Variants in NUP54 observed in about 807,000 individuals in gnomAD.
NUP54 encodes the protein nucleoporin p54.
NUP54 carries 27 observed loss-of-function variants against 66.4 expected under a neutral mutation model. The observed-to-expected ratio is 0.41, with a 90% confidence interval of 0.30 to 0.56. The LOEUF (loss-of-function observed/expected upper bound fraction) is 0.56, where lower values mean the gene tolerates loss of function less well. NUP54 is among the 20% of genes least tolerant of loss of function. NUP54 has a pLI of 0.34. For missense variants in NUP54, 486 were observed against 596.3 expected (o/e 0.82, Z 1.93); for synonymous variants, 206 against 210.7 (o/e 0.98, Z 0.19).
rs1236278261 is a variant in NUP54, at chr4:76,125,340, A to ACGCGCGC, written c.1057-585_1057-584insGCGCGCG. 9.1e-4 allele frequency among the ~76,000 whole-genome samples: 136 copies of ACGCGCGC among 148,894 alleles called. 2 individuals are homozygous for ACGCGCGC. The East Asian group carries it at 0.026, about 28-fold the overall frequency. Reference sequence around the variant, plus strand: ...ATCACACACACACACACACACACACACACACACACACGGCTGGGCACAGTG... The same window carrying ACGCGCGC: ...ATCACACACACACACACACACACACACGCGCGCCACACACACACGGCTGGGCACAGTG... On this transcript the variant is annotated intron_variant, in intron 8 of 11. Coordinates refer to ENST00000264883, the MANE Select transcript of NUP54 (RefSeq NM_017426.4).
intron 8 of NUP54, among the ~76,000 whole-genome samples, chr4:76,127,588 TCA>T (rs1730600904): frequency 6.6e-6 from 1 of 152,090 alleles, no homozygotes; most frequent in Non-Finnish European, 1.5e-5. Flanking sequence ...TAGGATACTC[TCA>T]GACTTTGGGG....
intron 3 of NUP54, among the ~76,000 whole-genome samples, chr4:76,138,784 C>CA (rs1295566519): frequency 2.6e-5 from 4 of 152,074 alleles, no homozygotes; most frequent in Non-Finnish European, 5.9e-5. Context: ...TCTGTAGAGA[C>CA]AGAGAGAGGA....
chr4:76,131,955 T>C (rs1480093140), intron 6 of NUP54, among the ~76,000 whole-genome samples: 3 of 152,162 alleles, frequency 2.0e-5, no homozygotes, highest in East Asian at 3.8e-4. Context: ...TCTTCATGTA[T>C]TGACATGAAA....
intron 3 of NUP54, among the ~76,000 whole-genome samples, chr4:76,139,714 A>G (rs777385341): frequency 1.3e-5 from 2 of 152,184 alleles, no homozygotes; most frequent in Admixed American, 6.5e-5. Flanking sequence ...CACATTTTTA[A>G]AGAGAGAAGT....
intron 1 of NUP54, chr4:76,145,699 G>A: frequency 2.2e-6 from 1 of 461,048 alleles, no homozygotes; most frequent in Non-Finnish European, 3.3e-6. Context: ...AGCCTTTCAA[G>A]ACAAATGTTT....
chr4:76,139,513 A>C (rs945231894), intron 3 of NUP54, among the ~76,000 whole-genome samples: 1 of 152,246 alleles, frequency 6.6e-6, no homozygotes, highest in Non-Finnish European at 1.5e-5. Context: ...ATGAGGGAAA[A>C]AACAGAATGG....
At chr4:76,130,221 A>G (rs1730743855) in intron 8 of NUP54, among the ~76,000 whole-genome samples, 1 of 151,906 alleles carries the variant, frequency 6.6e-6, no homozygotes, top group Non-Finnish European at 1.5e-5. Flanking sequence ...ATCTCAAGTG[A>G]TCCACCCACC....
intron 5 of NUP54, among the ~76,000 whole-genome samples, chr4:76,132,925 T>C (rs1161459818): frequency 6.6e-6 from 1 of 151,250 alleles, no homozygotes. Flanking sequence ...GTATCATCAC[T>C]GCAGCCTCAA....
intron 8 of NUP54, among the ~76,000 whole-genome samples, chr4:76,129,876 AAAAAAAAAAAAACCTTAGC>A (rs1327027559): frequency 1.4e-5 from 2 of 144,954 alleles, no homozygotes; most frequent in Admixed American, 1.4e-4. Flanking sequence ...AAAAAAAAAA[AAAAAAAAAAAAACCTTAGC>A]AAAGTTAAAA....
rs775548617 is a variant in NUP54 at position 76,136,451 on chromosome 4, A to C, written c.296-39T>G. ...CAAAATTAGTATTTAAAAACAAAAC[A>C]AAACAAAACTTAATCCAGATCCTAG... On this transcript the variant is annotated intron_variant, in intron 3 of 11. Transcript: ENST00000264883. The C allele has an allele frequency of 4.5e-6, 7 of 1,546,342 alleles. No individual in the cohort carries two copies. In the East Asian group the frequency reaches 6.7e-5, roughly 15 times the overall value.
intron 1 of NUP54, among the ~76,000 whole-genome samples, chr4:76,146,342 T>C (rs992808962): frequency 6.6e-6 from 1 of 152,194 alleles, no homozygotes; most frequent in Admixed American, 6.5e-5. Context: ...AAACACAAAT[T>C]TCAAAGTAAG....
intron 9 of NUP54, among the ~76,000 whole-genome samples, chr4:76,122,388 T>A (rs1730273977): frequency 6.6e-6 from 1 of 152,180 alleles, no homozygotes; most frequent in East Asian, 1.9e-4. Context: ...TACAGAATAT[T>A]TCCATCACCC....
chr4:76,144,834 T>C (rs1731418375), intron 1 of NUP54, among the ~76,000 whole-genome samples: 2 of 152,172 alleles, frequency 1.3e-5, no homozygotes, highest in Non-Finnish European at 2.9e-5. Context: ...GCCTAGAAGA[T>C]TTAGACTGAT....
At chr4:76,134,444 C>A in intron 4 of NUP54, 82 bp from the exon 5 acceptor site, 1 of 1,128,566 alleles carries the variant, frequency 8.9e-7, no homozygotes, top group African/African-American at 1.6e-5. Flanking sequence ...TTAATATCTG[C>A]TAAAATGGGA....
At chr4:76,129,612 C>G (rs531205306) in intron 8 of NUP54, among the ~76,000 whole-genome samples, 2 of 152,270 alleles carry the variant, frequency 1.3e-5, no homozygotes, top group East Asian at 1.9e-4. Flanking sequence ...CGCCTGTAAC[C>G]CTAGCACTTT....
At chr4:76,122,041 T>C (rs1003153009) in intron 9 of NUP54, among the ~76,000 whole-genome samples, 1 of 152,228 alleles carries the variant, frequency 6.6e-6, no homozygotes, top group African/African-American at 2.4e-5. Flanking sequence ...CTAAATGCGA[T>C]TTTAGTGTTT....
In NUP54 at chr4:76,118,876, A is replaced by G. The variant is rs568242783; in HGVS notation, c.1165-682T>C. On this transcript the variant is annotated intron_variant, in intron 9 of 11. Transcript: ENST00000264883. ...AAAATTAGCCGGACGTTGATGGTGC[A>G]CGCCTGTAGTCCCAGCTACTCGGGA... 4.9e-4 allele frequency among the ~76,000 whole-genome samples: 74 copies of G among 151,980 alleles called. 1 individual carries two copies. The highest frequency in any genetic ancestry group is 6.8e-3 in the Middle Eastern group (2 of 294).
chr4:76,144,952 T>C (rs1731421973), intron 1 of NUP54, among the ~76,000 whole-genome samples: 2 of 152,148 alleles, frequency 1.3e-5, no homozygotes, highest in South Asian at 4.1e-4. Context: ...ACAAGAAAGG[T>C]AGTTTAGCAG....
intron 1 of NUP54, among the ~76,000 whole-genome samples, chr4:76,146,311 G>A (rs1259071069): frequency 6.6e-6 from 1 of 152,158 alleles, no homozygotes; most frequent in Admixed American, 6.5e-5. Context: ...GTTGAATTAT[G>A]AGCTGGGTGG....
Sources: allele counts gnomAD v4.1 joint callset (sites outside exome capture counted in the v4.1 genomes callset), GRCh38; gene constraint gnomAD v4.1.1; transcripts MANE v1.5; gene names NCBI Gene and HGNC (gene_info 2026-07-23, HGNC 2026-07-21).